PPM1H: variants seen among roughly 807,000 people sequenced by gnomAD.
PPM1H encodes protein phosphatase 1H.
PPM1H carries 27 observed loss-of-function variants against 54.9 expected under a neutral mutation model. The observed-to-expected ratio is 0.49, with a 90% CI of 0.36 to 0.68. The LOEUF (loss-of-function observed/expected upper bound fraction) is 0.68, where lower values mean the gene tolerates loss of function less well. Ranked by LOEUF, PPM1H falls within the 30% of genes least tolerant of loss-of-function variation. PPM1H has a pLI of 0.00. For synonymous variants in PPM1H, 305 were observed against 270.8 expected (o/e 1.13, Z -1.24); for missense variants, 596 against 667.8 (o/e 0.89, Z 1.19).
At chr12:62,851,141 C>G (rs1018643381) in intron 1 of PPM1H, among the ~76,000 whole-genome samples, 2 of 152,092 alleles carry the variant, frequency 1.3e-5, no homozygotes, top group Non-Finnish European at 2.9e-5. Flanking sequence ...ATACTACTCC[C>G]CACTGAAAGA....
intron 1 of PPM1H, among the ~76,000 whole-genome samples, chr12:62,846,011 A>G (rs903721717): frequency 6.6e-6 from 1 of 152,154 alleles, no homozygotes; most frequent in African/African-American, 2.4e-5. Flanking sequence ...TATGACTTAC[A>G]TCCCCATTTC....
intron 1 of PPM1H, among the ~76,000 whole-genome samples, chr12:62,877,282 C>T (rs1456767088): frequency 6.6e-6 from 1 of 152,170 alleles, no homozygotes; most frequent in Non-Finnish European, 1.5e-5. Context: ...CCAGGGCCAT[C>T]TGCAAAGGCT....
chr12:62,916,927 T>TTAA (rs1555205729), intron 1 of PPM1H, among the ~76,000 whole-genome samples: 3 of 132,034 alleles, frequency 2.3e-5, no homozygotes, highest in African/African-American at 5.6e-5. Context: ...ACCCTCTACT[T>TTAA]AAAAAAAAAA....
chr12:62,828,085 C>A (rs1337585131), intron 2 of PPM1H, among the ~76,000 whole-genome samples: 1 of 152,142 alleles, frequency 6.6e-6, no homozygotes, highest in Non-Finnish European at 1.5e-5. Flanking sequence ...TGTTTTCTTG[C>A]CCTAAGCCCT....
chr12:62,804,918 G>T (rs931961389), intron 2 of PPM1H, among the ~76,000 whole-genome samples: 3 of 151,686 alleles, frequency 2.0e-5, no homozygotes, highest in Non-Finnish European at 4.4e-5. Context: ...CTCGTGATCC[G>T]CCCGCCTCGG....
chr12:62,756,263 C>T (rs1244200094), intron 4 of PPM1H: 29 of 691,798 alleles, frequency 4.2e-5, no homozygotes, highest in South Asian at 2.6e-4. Context: ...CCAGCGAGAG[C>T]GAGAGAGGAA....
intron 1 of PPM1H, among the ~76,000 whole-genome samples, chr12:62,854,768 A>T (rs1869322017): frequency 6.6e-6 from 1 of 152,204 alleles, no homozygotes; most frequent in Non-Finnish European, 1.5e-5. Flanking sequence ...AGCCATCAGA[A>T]ATAGGTAAAT....
chr12:62,852,716 AT>A (rs1565809933), intron 1 of PPM1H, among the ~76,000 whole-genome samples: 1 of 152,200 alleles, frequency 6.6e-6, no homozygotes, highest in Non-Finnish European at 1.5e-5. Context: ...CACCTCACAG[AT>A]TTCTTGCTAA....
chr12:62,909,179 G>A (rs74987853), intron 1 of PPM1H, among the ~76,000 whole-genome samples: 2,865 of 152,180 alleles, frequency 0.019, 102 homozygotes, highest in African/African-American at 0.063. Context: ...GAATCCTACT[G>A]CATTTTATTC....
chr12:62,812,436 C>G (rs765157577), intron 2 of PPM1H, among the ~76,000 whole-genome samples: 1 of 152,150 alleles, frequency 6.6e-6, no homozygotes, highest in African/African-American at 2.4e-5. Context: ...GTATCAAGCC[C>G]CTTCCTGACT....
intron 1 of PPM1H, among the ~76,000 whole-genome samples, chr12:62,907,935 C>T (rs1391613314): frequency 6.6e-6 from 1 of 152,196 alleles, no homozygotes; most frequent in Non-Finnish European, 1.5e-5. Context: ...AAACCAGCCT[C>T]TGAAGCTATC....
chr12:62,763,946 C>T (rs190066011), intron 4 of PPM1H, among the ~76,000 whole-genome samples: 1 of 152,306 alleles, frequency 6.6e-6, no homozygotes, highest in East Asian at 1.9e-4. Flanking sequence ...TAGAGGAACA[C>T]TCCTGATGCA....
chr12:62,689,625 G>A, intron 8 of PPM1H, 74 bp downstream of exon 8: 1 of 1,069,854 alleles, frequency 9.3e-7, no homozygotes, highest in Non-Finnish European at 1.4e-6. Flanking sequence ...CTGGATATGG[G>A]GTGTGAGTCA....
intron 4 of PPM1H, among the ~76,000 whole-genome samples, chr12:62,754,772 A>G (rs149019789): frequency 6.6e-6 from 1 of 152,368 alleles, no homozygotes; most frequent in East Asian, 1.9e-4. Context: ...ACAGTCTTTC[A>G]TGATCTTTTG....
chr12:62,678,880 T>C (rs1156943155), intron 8 of PPM1H, among the ~76,000 whole-genome samples: 4 of 151,830 alleles, frequency 2.6e-5, no homozygotes. Context: ...AGAGACAGGG[T>C]TTCACCATGT....
At position 62,832,171 on chromosome 12, in the gene PPM1H, T is replaced by C; in HGVS notation, c.354A>G (p.Ser118=). ...GAVTSTPNRN[S]SKRRSSLPNG... is the part of the protein sequence containing the mutation. ...TGGGAAGGGAGGACCGTCTCTTGGA[T>C]GAGTTCCTGTTTGGGGTTGAGGTCA... The change falls in exon 2 of 10, where the codon TCA becomes TCG. Residue 118 remains serine, a synonymous_variant. Coordinates refer to ENST00000228705, the MANE Select transcript of PPM1H (RefSeq NM_020700.2). 1 of 1,611,830 alleles carries C rather than the reference T, an allele frequency of 6.2e-7. No individual in the cohort carries two copies. Among genetic ancestry groups the C allele is most frequent in the Non-Finnish European group, 8.5e-7 (1 of 1,177,998 alleles).
intron 4 of PPM1H, among the ~76,000 whole-genome samples, chr12:62,743,474 G>A (rs571146713): frequency 1.3e-4 from 20 of 151,946 alleles, no homozygotes; most frequent in African/African-American, 3.9e-4. Flanking sequence ...AGAAAATCCC[G>A]CTACTTCTCT....
At chr12:62,670,991 C>A (rs934153014) in intron 8 of PPM1H, among the ~76,000 whole-genome samples, 12 of 152,144 alleles carry the variant, frequency 7.9e-5, no homozygotes, top group African/African-American at 2.9e-4. Flanking sequence ...AATTGGACTG[C>A]CGCGCAAGTC....
chr12:62,716,493 C>T (rs1472758769), intron 6 of PPM1H, among the ~76,000 whole-genome samples: 5 of 152,168 alleles, frequency 3.3e-5, no homozygotes, highest in African/African-American at 4.8e-5. Flanking sequence ...CACAACTAGG[C>T]ATTTACTACA....
Sources: gnomAD v4.1 joint callset for allele counts (sites outside exome capture counted in the v4.1 genomes callset) on GRCh38, gnomAD v4.1.1 for gene constraint, MANE v1.5 for transcripts, NCBI Gene and HGNC (gene_info 2026-07-23, HGNC 2026-07-21) for gene names.